The following NEK11 variants were observed in gnomAD, a reference collection of about 807,000 sequenced individuals.
The protein encoded by NEK11 is NIMA related kinase 11, also known as serine/threonine-protein kinase Nek11.
A neutral mutation model predicts 80.7 loss-of-function variants in NEK11; 72 were observed. The ratio of observed to expected loss-of-function variants is 0.89; its 90% CI spans 0.74 to 1.08. The LOEUF (loss-of-function observed/expected upper bound fraction) is 1.08. Among genes scored for constraint, NEK11 ranks in the 50% least tolerant of loss-of-function variants. NEK11 has a pLI of 0.00. For missense variants in NEK11, 764 were observed against 763.6 expected, an observed-to-expected ratio of 1.00 and a Z score of -0.01; for synonymous variants, 251 against 260.7, an observed-to-expected ratio of 0.96 and a Z score of 0.36.
intron 14 of NEK11, among the ~76,000 whole-genome samples, chr3:131,196,040 A>C (rs2093996525): frequency 6.6e-6 from 1 of 151,436 alleles, no homozygotes; most frequent in African/African-American, 2.4e-5. Flanking sequence ...GTAAGTTATT[A>C]TTATTTATGA....
chr3:131,285,628 C>T (rs920030068), intron 17 of NEK11, among the ~76,000 whole-genome samples: 2 of 152,226 alleles, frequency 1.3e-5, no homozygotes, highest in African/African-American at 2.4e-5. Flanking sequence ...CACTTTCCCA[C>T]GTTTCTCAAG....
Position 131,106,700 on chromosome 3 carries a change from T to C in NEK11, c.337-3103T>C, listed in dbSNP as rs555149697. Among the ~76,000 whole-genome samples the C allele has an allele frequency of 1.3e-4, 20 of 152,350 alleles. 1 individual carries two copies. Among genetic ancestry groups the C allele is most frequent in the African/African-American group, 3.4e-4 (14 of 41,596 alleles). On this transcript the variant is annotated intron_variant, in intron 4 of 17. Coordinates refer to ENST00000383366, the MANE Select transcript of NEK11 (RefSeq NM_024800.5). ...AAGGGTTTAAGGAATACCTATTTTA[T>C]ATAAGCACTTATTTTTCTTTAAACC...
intron 4 of NEK11, among the ~76,000 whole-genome samples, chr3:131,080,843 C>T (rs1193583439): frequency 2.0e-5 from 3 of 152,172 alleles, no homozygotes; most frequent in Non-Finnish European, 2.9e-5. Context: ...GGTGTGGTGG[C>T]TCATACTTGT....
chr3:131,032,454 G>C (rs2065014701), intron 3 of NEK11, among the ~76,000 whole-genome samples: 1 of 152,164 alleles, frequency 6.6e-6, no homozygotes, highest in Non-Finnish European at 1.5e-5. Flanking sequence ...TCTCCTTACT[G>C]TCTCTGGCAT....
At chr3:131,036,735 C>A (rs1236369290) in intron 3 of NEK11, among the ~76,000 whole-genome samples, 1 of 152,108 alleles carries the variant, frequency 6.6e-6, no homozygotes, top group East Asian at 1.9e-4. Context: ...TCCCCCCTAC[C>A]CCAGAGGTTT....
intron 5 of NEK11, among the ~76,000 whole-genome samples, chr3:131,129,112 G>C (rs919153845): frequency 7.4e-6 from 1 of 135,412 alleles, no homozygotes; most frequent in African/African-American, 2.8e-5. Context: ...TGTCAGAGTC[G>C]CAATCTTGGC....
chr3:131,279,454 A>G (rs2096360068), intron 17 of NEK11, among the ~76,000 whole-genome samples: 1 of 152,206 alleles, frequency 6.6e-6, no homozygotes, highest in Admixed American at 6.5e-5. Context: ...ATAAATTTTG[A>G]TTTGTATACA....
intron 12 of NEK11, among the ~76,000 whole-genome samples, chr3:131,166,873 T>C (rs1042202975): frequency 7.2e-5 from 11 of 152,286 alleles, no homozygotes; most frequent in Admixed American, 7.2e-4. Flanking sequence ...TTTCTTCAGC[T>C]TCCCACACAC....
At chr3:131,115,197 A>G (rs778272815) in intron 5 of NEK11, among the ~76,000 whole-genome samples, 16 of 152,180 alleles carry the variant, frequency 1.1e-4, no homozygotes, top group Non-Finnish European at 2.2e-4. Context: ...TTCCTGCCTC[A>G]CTACTTAAGC....
chr3:131,114,589 C>T (rs1174250968), intron 5 of NEK11, among the ~76,000 whole-genome samples: 2 of 152,164 alleles, frequency 1.3e-5, no homozygotes, highest in Non-Finnish European at 2.9e-5. Flanking sequence ...GACAATCATC[C>T]AGTCTGCTCA....
intron 17 of NEK11, among the ~76,000 whole-genome samples, chr3:131,276,342 G>A (rs763032736): frequency 9.9e-5 from 15 of 152,188 alleles, no homozygotes; most frequent in Non-Finnish European, 1.9e-4. Flanking sequence ...TGGTCAGGGA[G>A]AAGTCAAGCT....
At chr3:131,317,868 A>G (rs918930773) in intron 17 of NEK11, among the ~76,000 whole-genome samples, 9 of 62,838 alleles carry the variant, frequency 1.4e-4, no homozygotes, top group African/African-American at 5.1e-4. Context: ...CTTAGGCCCT[A>G]CTGCAGACCT....
chr3:131,196,322 A>C (rs917056648), intron 14 of NEK11, among the ~76,000 whole-genome samples: 6 of 152,132 alleles, frequency 3.9e-5, no homozygotes, highest in Non-Finnish European at 8.8e-5. Flanking sequence ...TGTTTGGAAA[A>C]AAAATAGATT....
chr3:131,042,946 T>C (rs1323166358), intron 3 of NEK11, among the ~76,000 whole-genome samples: 1 of 152,196 alleles, frequency 6.6e-6, no homozygotes, highest in Non-Finnish European at 1.5e-5. Flanking sequence ...TTCTGCAGCC[T>C]CTGCTGGTGA....
intron 3 of NEK11, among the ~76,000 whole-genome samples, chr3:131,037,687 C>G (rs1168711687): frequency 1.3e-5 from 2 of 152,182 alleles, no homozygotes; most frequent in Non-Finnish European, 2.9e-5. Context: ...AGCTGATCAC[C>G]TTTAGCAAAG....
At chr3:131,167,552 A>G (rs1296421190) in intron 12 of NEK11, among the ~76,000 whole-genome samples, 1 of 152,162 alleles carries the variant, frequency 6.6e-6, no homozygotes, top group Non-Finnish European at 1.5e-5. Context: ...TGTTATAACT[A>G]TACTCTATGA....
chr3:131,117,901 T>C (rs1340832024), intron 5 of NEK11, among the ~76,000 whole-genome samples: 2 of 152,110 alleles, frequency 1.3e-5, no homozygotes, highest in Admixed American at 6.6e-5. Flanking sequence ...TCTAAGTATA[T>C]GATTATGTCG....
intron 14 of NEK11, among the ~76,000 whole-genome samples, chr3:131,189,340 G>C (rs1484871170): frequency 6.6e-6 from 1 of 152,162 alleles, no homozygotes; most frequent in Non-Finnish European, 1.5e-5. Flanking sequence ...AAATACCATA[G>C]ACTAGGTGGC....
chr3:131,079,599 C>CT (rs1188577761), intron 3 of NEK11, among the ~76,000 whole-genome samples: 6 of 151,894 alleles, frequency 4.0e-5, no homozygotes, highest in Non-Finnish European at 8.8e-5. Context: ...TTATCAGACT[C>CT]TTTTTTTTCT....
Sources: allele counts gnomAD v4.1 joint callset (sites outside exome capture counted in the v4.1 genomes callset), GRCh38; gene constraint gnomAD v4.1.1; transcripts MANE v1.5; gene names NCBI Gene and HGNC (gene_info 2026-07-23, HGNC 2026-07-21).